The following REDIC1 variants were observed in gnomAD, a reference collection of about 807,000 sequenced individuals.
REDIC1 encodes the protein HEI10 Interacting Protein 1.
the REDIC1 span, among the ~76,000 whole-genome samples, chr12:39,901,066 C>T: frequency 6.6e-6 from 1 of 152,104 alleles, no homozygotes; most frequent in Non-Finnish European, 1.5e-5. Context: ...TTTGACAAAC[C>T]TGAGAAAAAC....
At chr12:39,874,206 C>T in the REDIC1 span, among the ~76,000 whole-genome samples, 2,830 of 152,222 alleles carry the variant, frequency 0.019, 88 homozygotes, top group African/African-American at 0.064. Flanking sequence ...GCAGGTCTGA[C>T]GATCTGGGAG....
chr12:39,903,397 C>T, the REDIC1 span, among the ~76,000 whole-genome samples: 15 of 152,184 alleles, frequency 9.9e-5, no homozygotes, highest in South Asian at 2.7e-3. Flanking sequence ...ACTAGTGATT[C>T]TTACTTGATA....
At chr12:39,682,696 G>A in the REDIC1 span, 1 of 1,612,720 alleles carries the variant, frequency 6.2e-7, no homozygotes, top group Non-Finnish European at 8.5e-7. Flanking sequence ...AAGACAGTCA[G>A]ACTACATTAC....
chr12:39,728,890 G>A, the REDIC1 span, among the ~76,000 whole-genome samples: 1 of 151,458 alleles, frequency 6.6e-6, no homozygotes, highest in Non-Finnish European at 1.5e-5. Context: ...GGTCTTGGGA[G>A]GGTGTATGTG....
chr12:39,876,883 T>C, the REDIC1 span, among the ~76,000 whole-genome samples: 1 of 152,222 alleles, frequency 6.6e-6, no homozygotes, highest in Non-Finnish European at 1.5e-5. Flanking sequence ...GCCATATTCA[T>C]ATTGTGATAT....
At chr12:39,863,954 C>G in the REDIC1 span, among the ~76,000 whole-genome samples, 4 of 152,162 alleles carry the variant, frequency 2.6e-5, no homozygotes, top group African/African-American at 9.7e-5. Flanking sequence ...TTGCGTCCAT[C>G]TATTTCAAGC....
the REDIC1 span, among the ~76,000 whole-genome samples, chr12:39,653,703 A>G: frequency 6.6e-6 from 1 of 151,772 alleles, no homozygotes; most frequent in African/African-American, 2.4e-5. Context: ...CCTCCAGTAC[A>G]ATGCTGAATA....
chr12:39,896,322 A>G, the REDIC1 span, among the ~76,000 whole-genome samples: 221 of 86,992 alleles, frequency 2.5e-3, no homozygotes, highest in Non-Finnish European at 3.2e-3. Context: ...ATATGTATGT[A>G]TATGTGTATA....
chr12:39,758,792 C>CT, the REDIC1 span: 260 of 148,700 alleles, frequency 1.7e-3, 1 homozygote, highest in Middle Eastern at 0.014. Context: ...ATCTATGTAT[C>CT]TTTTTTTTTT....
At chr12:39,812,043 A>C in the REDIC1 span, among the ~76,000 whole-genome samples, 1 of 152,218 alleles carries the variant, frequency 6.6e-6, no homozygotes, top group Non-Finnish European at 1.5e-5. Context: ...TTAAGCTGCT[A>C]TAACAGAATA....
chr12:39,751,914 A>T, the REDIC1 span, among the ~76,000 whole-genome samples: 6 of 152,134 alleles, frequency 3.9e-5, no homozygotes, highest in Non-Finnish European at 8.8e-5. Flanking sequence ...GGATGGGGAG[A>T]AGGGGGAGGG....
the REDIC1 span, among the ~76,000 whole-genome samples, chr12:39,743,515 G>C: frequency 6.6e-6 from 1 of 152,184 alleles, no homozygotes; most frequent in Non-Finnish European, 1.5e-5. Context: ...AAGCAGTCAC[G>C]TACCAGACTC....
the REDIC1 span, chr12:39,684,913 T>C: frequency 6.2e-7 from 1 of 1,612,022 alleles, no homozygotes. Context: ...GTCATGGGAC[T>C]TTGGACTTGA....
chr12:39,721,274 A>G, the REDIC1 span: 1 of 1,574,716 alleles, frequency 6.4e-7, no homozygotes, highest in South Asian at 1.1e-5. Context: ...TCTACCTAGG[A>G]TGTAGAATTT....
At chr12:39,894,067 A>G in the REDIC1 span, among the ~76,000 whole-genome samples, 2 of 152,220 alleles carry the variant, frequency 1.3e-5, no homozygotes, top group African/African-American at 4.8e-5. Flanking sequence ...AATGTTCAAT[A>G]CATTTTAATA....
At chr12:39,639,932 T>G in the REDIC1 span, among the ~76,000 whole-genome samples, 3 of 151,930 alleles carry the variant, frequency 2.0e-5, no homozygotes, top group Non-Finnish European at 4.4e-5. Context: ...CATGAATATT[T>G]TATAGTGTTC....
the REDIC1 span, among the ~76,000 whole-genome samples, chr12:39,776,618 G>A: frequency 1.3e-5 from 2 of 152,206 alleles, no homozygotes; most frequent in Non-Finnish European, 2.9e-5. Context: ...GAAGGGTCAC[G>A]GAGTTGACAG....
chr12:39,720,986 A>T, the REDIC1 span: 9 of 1,613,816 alleles, frequency 5.6e-6, no homozygotes, highest in Non-Finnish European at 7.6e-6. Flanking sequence ...AATACAGATC[A>T]GTTTCCACAG....
chr12:39,697,223 C>T, the REDIC1 span, among the ~76,000 whole-genome samples: 1 of 152,154 alleles, frequency 6.6e-6, no homozygotes, highest in African/African-American at 2.4e-5. Context: ...ATTTAAAGTG[C>T]TGAAGGAAGA....
Sources: allele counts gnomAD v4.1 joint callset (sites outside exome capture counted in the v4.1 genomes callset), GRCh38; gene constraint gnomAD v4.1.1; transcripts MANE v1.5; gene names NCBI Gene and HGNC (gene_info 2026-07-23, HGNC 2026-07-21).